The following LRIG3 variants were observed in gnomAD, a reference collection of about 807,000 sequenced individuals.
LRIG3 encodes leucine rich repeats and immunoglobulin like domains 3, also known as leucine-rich repeats and immunoglobulin-like domains protein 3.
In LRIG3, 76 loss-of-function variants were observed where a neutral mutation model predicts 114.5. The observed-to-expected ratio is 0.66, with a 90% CI of 0.55 to 0.80. The LOEUF (loss-of-function observed/expected upper bound fraction) is 0.80. Ranked by LOEUF, LRIG3 falls within the 30% of genes least tolerant of loss-of-function variation. The pLI, the probability that LRIG3 is intolerant of heterozygous loss-of-function variation, is 0.00. For synonymous variants in LRIG3, 512 were observed against 519.8 expected (o/e 0.98, Z 0.20); for missense variants, 1,239 against 1,382.8 (o/e 0.90, Z 1.65).
intron 16 of LRIG3, among the ~76,000 whole-genome samples, chr12:58,875,308 C>T (rs548808910): frequency 6.6e-6 from 1 of 152,226 alleles, no homozygotes; most frequent in Non-Finnish European, 1.5e-5. Flanking sequence ...TGGGTCTCCA[C>T]TCTGCCTCTA....
chr12:58,896,249 G>C (rs1388147145), intron 3 of LRIG3, among the ~76,000 whole-genome samples: 2 of 152,164 alleles, frequency 1.3e-5, no homozygotes, highest in Non-Finnish European at 2.9e-5. Context: ...AACTTATGAG[G>C]TTAGTGATAT....
At chr12:58,901,619 T>C (rs1871851394) in intron 3 of LRIG3, among the ~76,000 whole-genome samples, 1 of 152,174 alleles carries the variant, frequency 6.6e-6, no homozygotes, top group Admixed American at 6.5e-5. Flanking sequence ...GGACAGCACT[T>C]GTCTATACCC....
rs766935003 is a variant in LRIG3 at position 58,887,904 on chromosome 12, A to G, written c.976T>C (p.Leu326=). The change falls in exon 8 of 19, where the codon TTA becomes CTA. Residue 326 remains leucine (L), a synonymous_variant. Coordinates refer to ENST00000320743, the MANE Select transcript of LRIG3 (RefSeq NM_153377.5). ...AGGCCAAGGAAGCTTGAATCATCTAACCTTGATAAGTGATTGAAAGTTAGG... is the reference window on the plus strand; with the variant it reads ...AGGCCAAGGAAGCTTGAATCATCTAGCCTTGATAAGTGATTGAAAGTTAGG... The part of the protein sequence containing the change: ...LDLTFNHLSR[L]DDSSFLGLSL... 12 of 1,613,702 alleles carry G rather than the reference A, an allele frequency of 7.4e-6. No individual in the cohort carries two copies. The highest frequency in any genetic ancestry group is 9.3e-6 in the Non-Finnish European group (11 of 1,179,750).
chr12:58,886,777 AG>A, intron 9 of LRIG3, 32 bp downstream of exon 9: 2 of 1,592,266 alleles, frequency 1.3e-6, no homozygotes, highest in Non-Finnish European at 1.7e-6. Context: ...TAAATCAAAG[AG>A]TGAGCTAAAT....
intron 3 of LRIG3, among the ~76,000 whole-genome samples, chr12:58,902,008 TATATA>T (rs1178063019): frequency 7.2e-5 from 11 of 152,236 alleles, no homozygotes; most frequent in Admixed American, 6.5e-4. Flanking sequence ...TATAACCAGT[TATATA>T]ATATAATATA....
chr12:58,911,073 A>G (rs967573074), intron 3 of LRIG3, among the ~76,000 whole-genome samples: 1 of 152,230 alleles, frequency 6.6e-6, no homozygotes, highest in Admixed American at 6.5e-5. Flanking sequence ...CATGCCTTGC[A>G]CCTAGCACAC....
At chr12:58,912,262 C>T (rs748060640) in intron 3 of LRIG3, among the ~76,000 whole-genome samples, 120 of 152,056 alleles carry the variant, frequency 7.9e-4, no homozygotes, top group Non-Finnish European at 1.5e-3. Context: ...TTTGGGAGGC[C>T]GAGGCGGGAG....
chr12:58,876,375 A>G (rs374479498), intron 16 of LRIG3, 70 bp downstream of exon 16: 157 of 1,511,918 alleles, frequency 1.0e-4, no homozygotes, highest in East Asian at 1.4e-4. Flanking sequence ...GTGAAAATGA[A>G]TATCATATCT....
chr12:58,894,776 C>CA (rs1871582440), intron 3 of LRIG3, among the ~76,000 whole-genome samples: 1 of 152,188 alleles, frequency 6.6e-6, no homozygotes, highest in Non-Finnish European at 1.5e-5. Context: ...TTCCATTGTT[C>CA]AAAAATCACA....
chr12:58,910,321 G>A (rs1872228357), intron 3 of LRIG3, among the ~76,000 whole-genome samples: 1 of 152,144 alleles, frequency 6.6e-6, no homozygotes. Context: ...AATCTAACCA[G>A]CACCCTGGCA....
At chr12:58,910,153 A>G (rs147303835) in intron 3 of LRIG3, among the ~76,000 whole-genome samples, 1,921 of 152,338 alleles carry the variant, frequency 0.013, 23 homozygotes, top group Non-Finnish European at 0.018. Flanking sequence ...GAGATAAGAA[A>G]TAAAGAGAAA....
rs750848857 is a variant in LRIG3, at chr12:58,874,094, G to A, written c.3076C>T (p.Pro1026Ser). 80 of 1,614,050 alleles carry A rather than the reference G, an allele frequency of 5.0e-5. No individual in the cohort carries two copies. The highest frequency in any genetic ancestry group is 6.5e-5 in the Non-Finnish European group (77 of 1,180,028). ...CTCGAGGCAACCGACGCTGGCTCTG[G>A]ATTTGCACTAAAATCTAAAGAGGAC... is the stretch of plus-strand genomic sequence containing the variant. Reference protein sequence around the residue: ...NKSSLDFSANPEPASVASSNS... With the variant: ...NKSSLDFSANSEPASVASSNS... Residue 1026 changes from proline (P) to serine (S), a missense_variant, in exon 18 of 19, where the codon CCA becomes TCA. By Grantham distance (74) the Pro-to-Ser change is moderately conservative. Coordinates refer to ENST00000320743, the MANE Select transcript of LRIG3 (RefSeq NM_153377.5).
intron 1 of LRIG3, chr12:58,919,434 TA>T (rs761217999): frequency 7.1e-5 from 110 of 1,551,470 alleles, no homozygotes; most frequent in Non-Finnish European, 5.6e-5. Context: ...TACGGTCTGC[TA>T]ATGTGAAAAA....
chr12:58,908,470 G>C (rs888814843), intron 3 of LRIG3, among the ~76,000 whole-genome samples: 13 of 152,200 alleles, frequency 8.5e-5, no homozygotes, highest in Admixed American at 8.5e-4. Flanking sequence ...AGATATTCAT[G>C]CTTAGAAAGG....
rs1395719217 is a variant in LRIG3 at position 58,876,431 on chromosome 12, T to C, written c.2695+14A>G. The stretch of plus-strand genomic sequence containing the variant: ...TCAAAACAATTACAGCCCACATTCA[T>C]TTTAAACACTTACCACTACTGTCAT... On this transcript the variant is annotated intron_variant, in intron 16 of 18. Transcript: ENST00000320743. 1.2e-6 allele frequency: 2 copies of C among 1,612,748 alleles called. No homozygotes were observed. The highest frequency in any genetic ancestry group is 2.7e-5 in the African/African-American group (2 of 74,886).
chr12:58,876,372 T>C, intron 16 of LRIG3, 73 bp downstream of exon 16: 2 of 1,502,854 alleles, frequency 1.3e-6, no homozygotes, highest in South Asian at 1.3e-5. Context: ...CTTGTGAAAA[T>C]GAATATCATA....
At chr12:58,880,013 C>T (rs1871065206) in intron 13 of LRIG3, among the ~76,000 whole-genome samples, 1 of 152,176 alleles carries the variant, frequency 6.6e-6, no homozygotes, top group Non-Finnish European at 1.5e-5. Flanking sequence ...GAAAACATTG[C>T]TGGGCACGGT....
In LRIG3 at chr12:58,920,226, G is replaced by T. The variant is rs551694376; in HGVS notation, c.10C>A (p.Pro4Thr). The change falls in exon 1 of 19, where the codon CCG becomes ACG. Residue 4 changes from proline to threonine, a missense_variant. Physicochemically the swap from Pro to Thr is conservative, Grantham distance 38 (BLOSUM62 -1). Transcript: ENST00000320743. ...CCCGCGGCGCGCGCACGGAGGCTCG[G>T]CGCGCTCATCGCGGTCCAGCGGCCT... MSA[P>T]SLRARAAGLG... is the part of the protein sequence containing the mutation. 2 of 1,384,120 alleles carry T rather than the reference G, an allele frequency of 1.4e-6. No homozygotes were observed. The highest frequency in any genetic ancestry group is 9.3e-7 in the Non-Finnish European group (1 of 1,079,574). 85.7% of individuals were successfully genotyped at this position (1,384,120 alleles called of 1,614,324 possible). A position where few individuals can be genotyped will look rare whatever the true frequency, so the allele number is the denominator to read the frequency against.
At position 58,890,027 on chromosome 12, in the gene LRIG3, T is replaced by G. The variant is rs757377433; in HGVS notation, c.628A>C (p.Lys210Gln). ...NRNRISAIPP[K>Q]MFKLPQLQHL... ...TGCAGTTGGGGCAGTTTAAACATCT[T>G]GGGTGGGATAGCTGAGATTCGGTTC... The change falls in exon 5 of 19, where the codon AAG (lysine) becomes CAG (glutamine). Residue 210 changes from lysine to glutamine, a missense_variant. Lys to Gln is a moderately conservative substitution (Grantham distance 53). Coordinates refer to ENST00000320743, the MANE Select transcript of LRIG3 (RefSeq NM_153377.5). 8.7e-6 allele frequency: 14 copies of G among 1,613,700 alleles called. No individual in the cohort carries two copies. Among genetic ancestry groups the G allele is most frequent in the African/African-American group, 1.3e-5 (1 of 74,888 alleles).
Sources: allele counts gnomAD v4.1 joint callset (sites outside exome capture counted in the v4.1 genomes callset), GRCh38; gene constraint gnomAD v4.1.1; transcripts MANE v1.5; gene names NCBI Gene and HGNC (gene_info 2026-07-23, HGNC 2026-07-21).